The following ZNF804B variants were observed in gnomAD, a reference collection of about 807,000 sequenced individuals.
The protein encoded by ZNF804B is zinc finger 804B.
Under a neutral mutation model 101.4 loss-of-function variants are expected in ZNF804B, and 80 were observed. The ratio of observed to expected loss-of-function variants is 0.79; its 90% CI spans 0.66 to 0.95. The LOEUF (loss-of-function observed/expected upper bound fraction) is 0.95, where lower values mean the gene tolerates loss of function less well. ZNF804B is among the 40% of genes least tolerant of loss of function. The probability of loss-of-function intolerance (pLI) is 0.00; values close to 1 mark genes in which losing one functional copy is unlikely to be tolerated. For synonymous variants in ZNF804B, 622 were observed against 558.8 expected (o/e 1.11, Z -1.59); for missense variants, 1,673 against 1,561.9 (o/e 1.07, Z -1.20).
intron 1 of ZNF804B, among the ~76,000 whole-genome samples, chr7:88,877,991 A>G (rs1791977559): frequency 2.0e-5 from 3 of 152,164 alleles, no homozygotes; most frequent in South Asian, 4.1e-4. Context: ...AAAATACTGA[A>G]AAATACTATT....
chr7:89,265,092 G>A (rs2115822908), intron 2 of ZNF804B, among the ~76,000 whole-genome samples: 1 of 152,272 alleles, frequency 6.6e-6, no homozygotes, highest in East Asian at 1.9e-4. Context: ...CCATTGATTT[G>A]TAGGGGCTGC....
chr7:89,095,233 G>A (rs552929086), intron 1 of ZNF804B, among the ~76,000 whole-genome samples: 1 of 152,220 alleles, frequency 6.6e-6, no homozygotes, highest in South Asian at 2.1e-4. Context: ...ACCGTGTGAG[G>A]ACACAGCATT....
At chr7:88,910,677 A>C (rs1792535618) in intron 1 of ZNF804B, among the ~76,000 whole-genome samples, 1 of 151,870 alleles carries the variant, frequency 6.6e-6, no homozygotes, top group Non-Finnish European at 1.5e-5. Flanking sequence ...TTTAGGTGAG[A>C]GAATGTTTCA....
intron 1 of ZNF804B, among the ~76,000 whole-genome samples, chr7:89,004,629 A>G (rs1455157624): frequency 6.6e-6 from 1 of 151,830 alleles, no homozygotes; most frequent in Non-Finnish European, 1.5e-5. Flanking sequence ...TTGCTTCTTT[A>G]TGCAGTGGTG....
At chr7:89,000,722 T>A (rs367658819) in intron 1 of ZNF804B, among the ~76,000 whole-genome samples, 1 of 151,702 alleles carries the variant, frequency 6.6e-6, no homozygotes, top group South Asian at 2.1e-4. Flanking sequence ...TTAAGTGAGA[T>A]CATGCAGTAT....
Position 89,056,559 on chromosome 7 carries a change from T to A in ZNF804B, c.109-161596T>A, listed in dbSNP as rs80163655. ...TCCTGCCTCCAGTCCTAGATGCCTT[T>A]TTCTTGCAGTATTTTTGATATGACA... On this transcript the variant is annotated intron_variant, in intron 1 of 3. Coordinates refer to ENST00000333190, the MANE Select transcript of ZNF804B (RefSeq NM_181646.5). Among the ~76,000 whole-genome samples, 81 of 152,250 alleles carry A rather than the reference T, an allele frequency of 5.3e-4. 3 individuals carry two copies. The East Asian group carries it at 0.015, about 28-fold the overall frequency.
At chr7:89,178,020 T>C (rs1788222318) in intron 1 of ZNF804B, among the ~76,000 whole-genome samples, 1 of 152,174 alleles carries the variant, frequency 6.6e-6, no homozygotes, top group Admixed American at 6.5e-5. Flanking sequence ...TTTATCAATA[T>C]TTAATGACAT....
At chr7:89,253,011 T>C (rs1320674681) in intron 2 of ZNF804B, among the ~76,000 whole-genome samples, 2 of 152,156 alleles carry the variant, frequency 1.3e-5, no homozygotes, top group Non-Finnish European at 2.9e-5. Flanking sequence ...GTACCCACTA[T>C]ATCTAAGATG....
intron 1 of ZNF804B, among the ~76,000 whole-genome samples, chr7:88,762,236 C>T (rs1789908862): frequency 6.6e-6 from 1 of 152,142 alleles, no homozygotes. Context: ...TTTACTTGGT[C>T]TTCTTTTACA....
At chr7:88,768,878 C>A (rs1790022669) in intron 1 of ZNF804B, among the ~76,000 whole-genome samples, 1 of 152,142 alleles carries the variant, frequency 6.6e-6, no homozygotes, top group Admixed American at 6.6e-5. Context: ...GGAGTTAAAC[C>A]TCCTATTTTC....
intron 1 of ZNF804B, among the ~76,000 whole-genome samples, chr7:88,808,602 G>T (rs1038073038): frequency 8.5e-5 from 13 of 152,146 alleles, no homozygotes; most frequent in Non-Finnish European, 1.8e-4. Context: ...AATATATGTG[G>T]ATATACAAAT....
intron 2 of ZNF804B, among the ~76,000 whole-genome samples, chr7:89,228,954 G>A (rs1789142066): frequency 6.6e-6 from 1 of 152,178 alleles, no homozygotes; most frequent in South Asian, 2.1e-4. Context: ...ATTGAGCACA[G>A]CAGCTGCTGG....
chr7:89,278,490 C>T (rs139061821), intron 2 of ZNF804B, among the ~76,000 whole-genome samples: 12,344 of 150,782 alleles, frequency 0.082, 679 homozygotes, highest in South Asian at 0.18. Flanking sequence ...TTAGGTCTAA[C>T]GTTTCAGTCT....
chr7:88,859,221 TC>T (rs1481515868), intron 1 of ZNF804B, among the ~76,000 whole-genome samples: 6 of 152,014 alleles, frequency 3.9e-5, no homozygotes, highest in African/African-American at 1.4e-4. Context: ...GTGTGCTGTT[TC>T]TGTATGGGTA....
At chr7:89,201,059 A>G (rs1025749640) in intron 1 of ZNF804B, among the ~76,000 whole-genome samples, 2 of 151,964 alleles carry the variant, frequency 1.3e-5, no homozygotes, top group Non-Finnish European at 2.9e-5. Flanking sequence ...GCTTCATCGT[A>G]TTTATTTAGA....
At position 88,904,699 on chromosome 7, in the gene ZNF804B, TTA is replaced by T. The variant is rs1033506667; in HGVS notation, c.108+144616_108+144617del. Among the ~76,000 whole-genome samples, 9 of 152,270 alleles carry T rather than the reference TTA, an allele frequency of 5.9e-5. No individual in the cohort carries two copies. In the South Asian group the frequency reaches 8.3e-4, roughly 14 times the overall value. On this transcript the variant is annotated intron_variant, in intron 1 of 3. Coordinates refer to ENST00000333190, the MANE Select transcript of ZNF804B (RefSeq NM_181646.5). ...TAGCTGTATTTCAAGGTATTTTATT[TTA>T]CTTTTTGCTATTGTAAATGGGATTG... is the stretch of plus-strand genomic sequence containing the variant.
intron 1 of ZNF804B, among the ~76,000 whole-genome samples, chr7:89,083,906 G>A (rs1789735118): frequency 6.6e-6 from 1 of 151,820 alleles, no homozygotes; most frequent in Non-Finnish European, 1.5e-5. Flanking sequence ...CCTGAGGCCT[G>A]GAGTCAATAT....
intron 1 of ZNF804B, among the ~76,000 whole-genome samples, chr7:88,859,768 A>G (rs1791620845): frequency 6.6e-6 from 1 of 151,976 alleles, no homozygotes; most frequent in South Asian, 2.1e-4. Context: ...AGTGTTATTT[A>G]GATATAAACT....
intron 2 of ZNF804B, among the ~76,000 whole-genome samples, chr7:89,219,913 A>G (rs1481027508): frequency 6.7e-6 from 1 of 149,370 alleles, no homozygotes; most frequent in Admixed American, 6.7e-5. Context: ...GTGTGCATAT[A>G]TATGTATATA....
Sources: allele counts gnomAD v4.1 joint callset (sites outside exome capture counted in the v4.1 genomes callset), GRCh38; gene constraint gnomAD v4.1.1; transcripts MANE v1.5; gene names NCBI Gene and HGNC (gene_info 2026-07-23, HGNC 2026-07-21).